The following SV2B variants were observed in gnomAD, a reference collection of about 807,000 sequenced individuals.
SV2B encodes synaptic vesicle glycoprotein 2B.
SV2B carries 41 observed loss-of-function variants against 73.9 expected under a neutral mutation model. The ratio of observed to expected loss-of-function variants is 0.56; its 90% confidence interval spans 0.43 to 0.72. The LOEUF is 0.72. SV2B is among the 30% of genes least tolerant of loss of function. SV2B has a pLI of 0.00. For synonymous variants in SV2B, 314 were observed against 314.2 expected, an observed-to-expected ratio of 1.00 and a Z score of 0.01; for missense variants, 764 against 857.8, an observed-to-expected ratio of 0.89 and a Z score of 1.37.
At chr15:91,186,182 G>A (rs1336065406) in intron 1 of SV2B, among the ~76,000 whole-genome samples, 1 of 152,220 alleles carries the variant, frequency 6.6e-6, no homozygotes, top group Non-Finnish European at 1.5e-5. Flanking sequence ...GATACAGAAT[G>A]AAAGAAGGCT....
chr15:91,269,577 C>A (rs990022970), intron 9 of SV2B, among the ~76,000 whole-genome samples: 1 of 152,222 alleles, frequency 6.6e-6, no homozygotes, highest in African/African-American at 2.4e-5. Flanking sequence ...CCCACATATG[C>A]GTCTGGTGTC....
At chr15:91,279,696 A>G (rs1465565258) in intron 9 of SV2B, among the ~76,000 whole-genome samples, 1 of 152,234 alleles carries the variant, frequency 6.6e-6, no homozygotes, top group Admixed American at 6.5e-5. Context: ...CCCTGGGAAG[A>G]ATATTAAAAT....
Position 91,242,405 on chromosome 15 carries a change from C to T in SV2B, c.452-9414C>T, listed in dbSNP as rs2047055374. On this transcript the variant is annotated intron_variant, in intron 2 of 12. Transcript: ENST00000394232. The surrounding 1 kb of genome is among the most constrained non-coding windows in gnomAD (Gnocchi z 4.9). ...GCCACTTCTTACCACTTTCCTCTAC[C>T]TACCAACCTGGCCCAAGTCATCAGC... Among the ~76,000 whole-genome samples the T allele has an allele frequency of 6.6e-6, 1 of 152,220 alleles. No homozygotes were observed. The highest frequency in any genetic ancestry group is 2.4e-5 in the African/African-American group (1 of 41,446).
intron 2 of SV2B, 68 bp from the exon 3 acceptor site, chr15:91,251,751 T>C (rs1015550850): frequency 6.9e-7 from 1 of 1,447,706 alleles, no homozygotes; most frequent in African/African-American, 1.4e-5. Flanking sequence ...TTGTATTTTG[T>C]AAACATTGTA....
chr15:91,120,811 CAA>C (rs756474473), intron 1 of SV2B, among the ~76,000 whole-genome samples: 20 of 97,222 alleles, frequency 2.1e-4, no homozygotes, highest in Admixed American at 5.6e-4. Flanking sequence ...GAACCTGTCT[CAA>C]AAAAAAAAAA....
At chr15:91,282,039 C>A (rs761283147) in intron 10 of SV2B, among the ~76,000 whole-genome samples, 178 bp downstream of exon 10, 1 of 152,196 alleles carries the variant, frequency 6.6e-6, no homozygotes, top group Non-Finnish European at 1.5e-5. Context: ...AGGTGCACAG[C>A]CTTTGCTAAG....
At chr15:91,142,206 T>G (rs995980443) in intron 1 of SV2B, among the ~76,000 whole-genome samples, 1 of 152,212 alleles carries the variant, frequency 6.6e-6, no homozygotes, top group African/African-American at 2.4e-5. Context: ...TGCTGTTCTC[T>G]CATCCCTCCC....
At chr15:91,127,812 A>T (rs545334076) in intron 1 of SV2B, among the ~76,000 whole-genome samples, 94 of 152,312 alleles carry the variant, frequency 6.2e-4, no homozygotes, top group Admixed American at 1.8e-3. Flanking sequence ...ATATTGGGGC[A>T]TAGTAATAGT....
chr15:91,153,327 G>A (rs2043373333), intron 1 of SV2B, among the ~76,000 whole-genome samples: 1 of 152,112 alleles, frequency 6.6e-6, no homozygotes, highest in African/African-American at 2.4e-5. Flanking sequence ...ATCATCTCTG[G>A]TGCCAGCGTC....
At chr15:91,188,893 C>T (rs564070379) in intron 1 of SV2B, among the ~76,000 whole-genome samples, 1 of 152,094 alleles carries the variant, frequency 6.6e-6, no homozygotes, top group South Asian at 2.1e-4. Flanking sequence ...GTGGTGCAAT[C>T]TCAGCTCACT....
rs1044122354 is a variant in SV2B, at chr15:91,122,440, C to T, written c.-392+22077C>T. 6.6e-6 allele frequency among the ~76,000 whole-genome samples: 1 copy of T among 152,298 alleles called. No homozygotes were observed. Among genetic ancestry groups the T allele is most frequent in the Non-Finnish European group, 1.5e-5 (1 of 68,024 alleles). Reference sequence around the variant, plus strand: ...ATAATTTTTAATGGCTCAGCTTTCTCCTGCTGGGTTGACTCTCTGATCCCT... The same window carrying T: ...ATAATTTTTAATGGCTCAGCTTTCTTCTGCTGGGTTGACTCTCTGATCCCT... On this transcript the variant is annotated intron_variant, in intron 1 of 12. Transcript: ENST00000394232. The surrounding 1 kb of genome is among the most constrained non-coding windows in gnomAD (Gnocchi z 4.3).
intron 1 of SV2B, among the ~76,000 whole-genome samples, chr15:91,225,088 G>C (rs2046330740): frequency 6.6e-6 from 1 of 152,224 alleles, no homozygotes; most frequent in South Asian, 2.1e-4. Context: ...AAGTACTATT[G>C]TTATCCCATT....
rs894068388 is a variant in SV2B, at chr15:91,236,021, A to G, written c.451+9307A>G. 9.2e-5 allele frequency among the ~76,000 whole-genome samples: 14 copies of G among 152,218 alleles called. No individual in the cohort carries two copies. Among genetic ancestry groups the G allele is most frequent in the Non-Finnish European group, 5.9e-5 (4 of 68,030 alleles). On this transcript the variant is annotated intron_variant, in intron 2 of 12. Transcript: ENST00000394232. This position sits in a 1 kb window ranked among gnomAD's most constrained non-coding sequence, Gnocchi z 4.1. Reference sequence around the variant, plus strand: ...TAACTACTTTGCTCAGGATCTGCACACAGTAGGTGCTTAGTCAGTACTCAT... The same window carrying G: ...TAACTACTTTGCTCAGGATCTGCACGCAGTAGGTGCTTAGTCAGTACTCAT...
rs541598190 is a variant in SV2B at position 91,298,853 on chromosome 15, C to G, written c.*6301C>G. ...TTATTTAATCACAGCTACTGTCACT[C>G]AGGAGGATGAGCCATTTAAAAATGG... is the stretch of plus-strand genomic sequence containing the variant. On this transcript the variant is annotated 3_prime_UTR_variant, in exon 13 of 13. Transcript: ENST00000394232. This position sits in a 1 kb window ranked among gnomAD's most constrained non-coding sequence, Gnocchi z 5.4. 6.6e-6 allele frequency: 1 copy of G among 152,304 alleles called. No homozygotes were observed. Among genetic ancestry groups the G allele is most frequent in the Non-Finnish European group, 1.5e-5 (1 of 68,022 alleles). The allele number at this position is 152,304 out of a possible 1,614,324, so 9.4% of individuals were successfully genotyped here.
At chr15:91,221,435 G>A (rs1346853753) in intron 1 of SV2B, among the ~76,000 whole-genome samples, 1 of 152,034 alleles carries the variant, frequency 6.6e-6, no homozygotes, top group Non-Finnish European at 1.5e-5. Context: ...ATACCAAAAT[G>A]GTGGATCAGC....
intron 1 of SV2B, among the ~76,000 whole-genome samples, chr15:91,216,672 T>C (rs1318208935): frequency 2.0e-5 from 3 of 151,818 alleles, no homozygotes; most frequent in Admixed American, 1.3e-4. Context: ...GGTTTCTCCA[T>C]GTTGGTCAGG....
intron 1 of SV2B, among the ~76,000 whole-genome samples, chr15:91,181,141 A>T (rs571350509): frequency 6.6e-6 from 1 of 152,192 alleles, no homozygotes; most frequent in South Asian, 2.1e-4. Context: ...GGTCTGTTGG[A>T]GTTTGCCAGA....
At chr15:91,264,089 C>T (rs924721020) in intron 6 of SV2B, among the ~76,000 whole-genome samples, 6 of 152,270 alleles carry the variant, frequency 3.9e-5, no homozygotes, top group Non-Finnish European at 5.9e-5. Context: ...GTCCCAGGCA[C>T]GCTGTCAGCT....
intron 1 of SV2B, among the ~76,000 whole-genome samples, chr15:91,153,147 T>A (rs1254335086): frequency 6.6e-6 from 1 of 152,208 alleles, no homozygotes; most frequent in Non-Finnish European, 1.5e-5. Flanking sequence ...CTCTGAAGCC[T>A]CTTTTAGAAG....
Sources: gnomAD v4.1 joint callset for allele counts (sites outside exome capture counted in the v4.1 genomes callset) on GRCh38, gnomAD v4.1.1 for gene constraint, Gnocchi (gnomAD v3.1) non-coding constraint, MANE v1.5 for transcripts, NCBI Gene and HGNC (gene_info 2026-07-23, HGNC 2026-07-21) for gene names.